The following KCNQ5 variants were observed in gnomAD, a reference collection of about 807,000 sequenced individuals.
KCNQ5 encodes potassium voltage-gated channel subfamily KQT member 5.
Under a neutral mutation model 98.2 loss-of-function variants are expected in KCNQ5, and 30 were observed. That is an observed-to-expected ratio of 0.31 (90% CI 0.23 to 0.41). KCNQ5 has a LOEUF of 0.41. Ranked by LOEUF, KCNQ5 falls within the 10% of genes least tolerant of loss-of-function variation. KCNQ5 has a pLI of 1.00. For missense variants in KCNQ5, 835 were observed against 1,182.5 expected (o/e 0.71, Z 4.31); for synonymous variants, 458 against 449.4 (o/e 1.02, Z -0.24).
At chr6:72,678,568 TA>T (rs1290488674) in intron 1 of KCNQ5, 1 of 152,222 alleles carries the variant, frequency 6.6e-6, no homozygotes, top group Non-Finnish European at 1.5e-5. Flanking sequence ...ATATGTATCG[TA>T]TTTTTTATAA....
At chr6:72,787,026 A>AAG (rs1554163138) in intron 1 of KCNQ5, among the ~76,000 whole-genome samples, 9 of 149,152 alleles carry the variant, frequency 6.0e-5, no homozygotes, top group Admixed American at 2.0e-4. Flanking sequence ...AAAAAAAAAA[A>AAG]AAAGAAATGA....
chr6:72,735,754 T>C (rs2154475937), intron 1 of KCNQ5, among the ~76,000 whole-genome samples: 1 of 152,120 alleles, frequency 6.6e-6, no homozygotes, highest in South Asian at 2.1e-4. Context: ...TTTTAAGAAT[T>C]TTATAAATGT....
chr6:72,676,425 T>C (rs1767409531), intron 1 of KCNQ5, among the ~76,000 whole-genome samples: 1 of 152,218 alleles, frequency 6.6e-6, no homozygotes, highest in Admixed American at 6.5e-5. Context: ...TGCTCAGGGC[T>C]GACACAGGAG....
Position 72,714,712 on chromosome 6 carries a change from T to A in KCNQ5, c.398+92125T>A, listed in dbSNP as rs955984285. On this transcript the variant is annotated intron_variant, in intron 1 of 13. Coordinates refer to ENST00000370398, the MANE Select transcript of KCNQ5 (RefSeq NM_019842.4). The stretch of plus-strand genomic sequence containing the variant: ...ATTGTCAGCTGATACATGTCAGAAC[T>A]CCTTCATATACTGGCTAATTTCTGT... Among the ~76,000 whole-genome samples the A allele has an allele frequency of 1.1e-4, 16 of 152,214 alleles. 1 individual carries two copies. The highest frequency in any genetic ancestry group is 1.0e-3 in the Admixed American group (16 of 15,270).
chr6:72,671,321 G>T (rs1767092247), intron 1 of KCNQ5, among the ~76,000 whole-genome samples: 1 of 152,166 alleles, frequency 6.6e-6, no homozygotes, highest in African/African-American at 2.4e-5. Context: ...GGAGTCTACA[G>T]TGAGGGCTTA....
At chr6:72,884,590 A>G (rs1778779849) in intron 1 of KCNQ5, among the ~76,000 whole-genome samples, 1 of 151,144 alleles carries the variant, frequency 6.6e-6, no homozygotes, top group African/African-American at 2.4e-5. Context: ...ATAGCAATAG[A>G]AATCATTATA....
chr6:72,974,744 C>CT (rs760371964), intron 1 of KCNQ5, among the ~76,000 whole-genome samples: 212 of 144,844 alleles, frequency 1.5e-3, no homozygotes, highest in African/African-American at 2.5e-3. Flanking sequence ...ACACTTTCTA[C>CT]TTTTTTTTTT....
chr6:72,993,989 G>T (rs1262804745), intron 1 of KCNQ5, among the ~76,000 whole-genome samples: 2 of 83,658 alleles, frequency 2.4e-5, no homozygotes, highest in African/African-American at 6.2e-5. Flanking sequence ...AGGGGTCAGG[G>T]ACCCACTTGA....
At chr6:72,638,135 C>T (rs1031042151) in intron 1 of KCNQ5, among the ~76,000 whole-genome samples, 4 of 152,150 alleles carry the variant, frequency 2.6e-5, no homozygotes, top group African/African-American at 9.7e-5. Context: ...CATATTTGTG[C>T]CAATCGTGTG....
At chr6:72,859,123 C>T (rs1777651738) in intron 1 of KCNQ5, among the ~76,000 whole-genome samples, 1 of 152,104 alleles carries the variant, frequency 6.6e-6, no homozygotes, top group African/African-American at 2.4e-5. Flanking sequence ...GAGCATATAA[C>T]TTCCTCTTTC....
intron 1 of KCNQ5, among the ~76,000 whole-genome samples, chr6:72,715,986 G>A (rs1356069406): frequency 6.6e-6 from 1 of 151,992 alleles, no homozygotes; most frequent in East Asian, 1.9e-4. Context: ...TTCTACTTAT[G>A]CCAGTGATAA....
At chr6:72,791,643 G>A (rs1291152620) in intron 1 of KCNQ5, among the ~76,000 whole-genome samples, 1 of 152,184 alleles carries the variant, frequency 6.6e-6, no homozygotes, top group Non-Finnish European at 1.5e-5. Context: ...AGCCTGTTTT[G>A]TGCTGCTGTC....
chr6:72,911,163 T>C (rs753066139), intron 1 of KCNQ5, among the ~76,000 whole-genome samples: 9 of 152,182 alleles, frequency 5.9e-5, no homozygotes, highest in Non-Finnish European at 7.4e-5. Context: ...ATGTACGGAA[T>C]GGAGAAAGAG....
chr6:72,930,173 G>A (rs1474462497), intron 1 of KCNQ5, among the ~76,000 whole-genome samples: 4 of 151,990 alleles, frequency 2.6e-5, no homozygotes, highest in Admixed American at 1.3e-4. Context: ...GCTGAACAGT[G>A]TTCCTTATGT....
intron 11 of KCNQ5, among the ~76,000 whole-genome samples, chr6:73,177,283 G>T (rs187552064): frequency 1.3e-5 from 2 of 152,326 alleles, no homozygotes; most frequent in Non-Finnish European, 2.9e-5. Context: ...ACTCTAATAT[G>T]AACATAGATG....
intron 2 of KCNQ5, among the ~76,000 whole-genome samples, chr6:73,017,060 T>G (rs1770377272): frequency 6.6e-6 from 1 of 152,124 alleles, no homozygotes; most frequent in Non-Finnish European, 1.5e-5. Flanking sequence ...CCAGCTCCAG[T>G]CCCTTAACTC....
intron 1 of KCNQ5, among the ~76,000 whole-genome samples, chr6:72,784,647 A>G (rs1424530820): frequency 6.6e-6 from 1 of 152,164 alleles, no homozygotes; most frequent in Non-Finnish European, 1.5e-5. Flanking sequence ...TCGTCCTCTC[A>G]TGGTCACAAG....
At chr6:73,119,586 T>A (rs1318505480) in intron 7 of KCNQ5, among the ~76,000 whole-genome samples, 1 of 152,252 alleles carries the variant, frequency 6.6e-6, no homozygotes, top group Non-Finnish European at 1.5e-5. Flanking sequence ...GTTTTAGTTC[T>A]GCTTCTTGAT....
intron 1 of KCNQ5, among the ~76,000 whole-genome samples, chr6:72,843,748 T>C (rs1776904391): frequency 6.6e-6 from 1 of 152,164 alleles, no homozygotes. Flanking sequence ...TCCACACATA[T>C]GCAGCACTGT....
Sources: allele counts gnomAD v4.1 joint callset (sites outside exome capture counted in the v4.1 genomes callset), GRCh38; gene constraint gnomAD v4.1.1; transcripts MANE v1.5; gene names NCBI Gene and HGNC (gene_info 2026-07-23, HGNC 2026-07-21).